Variants in MAP4 observed in about 807,000 individuals in gnomAD.
The protein encoded by MAP4 is microtubule-associated protein 4.
MAP4 carries 76 observed loss-of-function variants against 170.2 expected under a neutral mutation model. The ratio of observed to expected loss-of-function variants is 0.45; its 90% confidence interval spans 0.37 to 0.54. The LOEUF (loss-of-function observed/expected upper bound fraction) is 0.54. MAP4 is among the 20% of genes least tolerant of loss of function. The pLI is 0.00. For synonymous variants in MAP4, 909 were observed against 994.5 expected (o/e 0.91, Z 1.62); for missense variants, 2,506 against 2,748.0 (o/e 0.91, Z 1.97).
intron 18 of MAP4, among the ~76,000 whole-genome samples, chr3:47,856,228 G>A (rs559984099): frequency 2.0e-5 from 3 of 152,242 alleles, no homozygotes; most frequent in Admixed American, 6.5e-5. Context: ...AGACCTCCAC[G>A]CACAGCTTCT....
chr3:47,911,716 T>A lies in MAP4; in HGVS notation c.2705A>T (p.Lys902Ile). 6.5e-7 allele frequency: 1 copy of A among 1,536,118 alleles called. No homozygotes were observed. Among genetic ancestry groups the A allele is most frequent in the Non-Finnish European group, 8.7e-7 (1 of 1,146,896 alleles). Reference protein sequence around the residue: ...DKKLLKQHEYKPQPAPHLKTP... With the variant: ...DKKLLKQHEYIPQPAPHLKTP... ...CTTCAGGTGGGGTGCAGGCTGTGGTTTGTATTCATGTTGCTTCAGCAATTT... is the reference window on the plus strand; with the variant it reads ...CTTCAGGTGGGGTGCAGGCTGTGGTATGTATTCATGTTGCTTCAGCAATTT... The change falls in exon 9 of 21, where the codon AAA becomes ATA. Residue 902 changes from lysine (K) to isoleucine (I), a missense_variant. This residue lies in a region of MAP4 where 2,008 missense variants were observed against 2,206.0 expected (regional missense o/e 0.91). Transcript: ENST00000683076. The surrounding 1 kb of genome is among the most constrained non-coding windows in gnomAD (Gnocchi z 4.0).
upstream of MAP4, among the ~76,000 whole-genome samples, chr3:48,018,924 G>C (rs996576390): frequency 6.6e-6 from 1 of 152,150 alleles, no homozygotes; most frequent in East Asian, 1.9e-4. Context: ...GTAACCGTAC[G>C]AACCAGCTCT....
chr3:47,852,843 G>T lies in MAP4; in HGVS notation c.*91C>A. The T allele has an allele frequency of 6.4e-7, 1 of 1,556,252 alleles. No homozygotes were observed. The highest frequency in any genetic ancestry group is 1.2e-5 in the South Asian group (1 of 85,172). Reference sequence around the variant, plus strand: ...CAAGGACCCGGGAGCCCGAGTTGGGGCCGCCAGGGAAGTGTGGGGGGCGGG... The same window carrying T: ...CAAGGACCCGGGAGCCCGAGTTGGGTCCGCCAGGGAAGTGTGGGGGGCGGG... On this transcript the variant is annotated 3_prime_UTR_variant, in exon 21 of 21. Coordinates refer to ENST00000683076, the MANE Select transcript of MAP4 (RefSeq NM_001385682.1).
chr3:47,961,258 T>A (rs143600676), intron 3 of MAP4, among the ~76,000 whole-genome samples: 1 of 152,106 alleles, frequency 6.6e-6, no homozygotes, highest in Admixed American at 6.6e-5. Context: ...TCCCAGGACA[T>A]TGGGAGGCTG....
chr3:47,856,084 T>A (rs2055603036), intron 18 of MAP4, among the ~76,000 whole-genome samples: 1 of 151,848 alleles, frequency 6.6e-6, no homozygotes, highest in South Asian at 2.1e-4. Flanking sequence ...CTGGCCAGAG[T>A]GTGCCCATGA....
chr3:47,925,419 G>A (rs998443127), intron 4 of MAP4, among the ~76,000 whole-genome samples: 6 of 152,056 alleles, frequency 3.9e-5, no homozygotes, highest in Non-Finnish European at 7.3e-5. Context: ...GAGCTTGGGC[G>A]GTCAAGGCTG....
At chr3:47,987,683 T>C (rs1373994554) in intron 2 of MAP4, among the ~76,000 whole-genome samples, 2 of 152,224 alleles carry the variant, frequency 1.3e-5, no homozygotes, top group Non-Finnish European at 2.9e-5. Flanking sequence ...TCCTACTCCT[T>C]CTGTAGCTTT....
intron 1 of MAP4, among the ~76,000 whole-genome samples, chr3:48,004,120 C>G (rs1339110108): frequency 6.6e-6 from 1 of 152,126 alleles, no homozygotes; most frequent in Non-Finnish European, 1.5e-5. Context: ...TAAGAAAACT[C>G]TGACCCCAGA....
intron 1 of MAP4, among the ~76,000 whole-genome samples, chr3:48,057,399 T>C (rs1410987416): frequency 2.2e-5 from 3 of 133,716 alleles, no homozygotes; most frequent in Non-Finnish European, 4.8e-5. Context: ...GTTAAACAGA[T>C]GCTTGAAGGC....
chr3:47,918,515 G>C (rs921903977), intron 6 of MAP4, among the ~76,000 whole-genome samples: 2 of 152,040 alleles, frequency 1.3e-5, no homozygotes, highest in African/African-American at 4.8e-5. Context: ...TTTAAAAAAA[G>C]TATTTATGTG....
intron 3 of MAP4, among the ~76,000 whole-genome samples, chr3:47,930,475 CA>C (rs1052102394): frequency 6.7e-6 from 1 of 149,288 alleles, no homozygotes; most frequent in Non-Finnish European, 1.5e-5. Context: ...AACAAACAAA[CA>C]AAAAAAACAA....
chr3:47,853,083 T>C (rs1051418702), intron 20 of MAP4, 80 bp downstream of exon 20: 21 of 1,614,002 alleles, frequency 1.3e-5, no homozygotes, highest in Non-Finnish European at 1.7e-5. Flanking sequence ...GGCCACACTC[T>C]AGTCAAAAAC....
At chr3:47,950,238 T>A (rs1046874941) in intron 3 of MAP4, among the ~76,000 whole-genome samples, 1 of 152,254 alleles carries the variant, frequency 6.6e-6, no homozygotes, top group Non-Finnish European at 1.5e-5. Context: ...TACTAGTTAA[T>A]AATTCTTTAT....
At position 47,966,103 on chromosome 3, in the gene MAP4, C is replaced by G. The variant is rs9311413; in HGVS notation, c.292+11762G>C. Among the ~76,000 whole-genome samples the G allele has an allele frequency of 4.5e-3, 680 of 152,004 alleles. 5 individuals are homozygous for G. The highest frequency in any genetic ancestry group is 0.033 in the South Asian group (157 of 4,808). ...AAAGAGAGGGAGAGACAGGATTTCT[C>G]TCTGTCTCCCAGGGTGAATGCAGCG... On this transcript the variant is annotated intron_variant, in intron 3 of 20. Coordinates refer to ENST00000683076, the MANE Select transcript of MAP4 (RefSeq NM_001385682.1).
chr3:47,887,262 T>G (rs141986448), intron 10 of MAP4, among the ~76,000 whole-genome samples: 222 of 152,314 alleles, frequency 1.5e-3, no homozygotes, highest in African/African-American at 5.1e-3. Context: ...CAGCTGGAGT[T>G]CCGGGTGGGC....
At chr3:47,991,264 C>T (rs2100092001) in intron 2 of MAP4, among the ~76,000 whole-genome samples, 1 of 152,142 alleles carries the variant, frequency 6.6e-6, no homozygotes, top group Non-Finnish European at 1.5e-5. Context: ...CACCATTGTT[C>T]AAAGAGTTCT....
intron 3 of MAP4, among the ~76,000 whole-genome samples, chr3:47,976,735 CTAAAG>C (rs1057283752): frequency 1.3e-5 from 2 of 152,112 alleles, no homozygotes; most frequent in Non-Finnish European, 2.9e-5. Flanking sequence ...TTTCTAGCTT[CTAAAG>C]TAAAGAGTTC....
chr3:47,996,852 G>T (rs998137472), intron 2 of MAP4, among the ~76,000 whole-genome samples: 1 of 151,846 alleles, frequency 6.6e-6, no homozygotes, highest in Non-Finnish European at 1.5e-5. Context: ...ATATGTTAAA[G>T]TCTACAGTAG....
At chr3:47,886,552 C>T (rs1174417408) in intron 10 of MAP4, among the ~76,000 whole-genome samples, 2 of 152,200 alleles carry the variant, frequency 1.3e-5, no homozygotes, top group Non-Finnish European at 2.9e-5. Flanking sequence ...ATCTGCCTGC[C>T]AAGGCCTCCC....
Sources: allele counts gnomAD v4.1 joint callset (sites outside exome capture counted in the v4.1 genomes callset), GRCh38; gene constraint gnomAD v4.1.1; regional missense constraint gnomAD v4.1.1; non-coding constraint Gnocchi (gnomAD v3.1); transcripts MANE v1.5; gene names NCBI Gene and HGNC (gene_info 2026-07-23, HGNC 2026-07-21).